The following GFOD1 variants were observed in gnomAD, a reference collection of about 807,000 sequenced individuals.
The protein encoded by GFOD1 is Gfo/Idh/MocA-like oxidoreductase domain containing 1, also known as glucose-fructose oxidoreductase domain-containing protein 1.
Under a neutral mutation model 25.4 loss-of-function variants are expected in GFOD1, and 9 were observed. The observed-to-expected ratio is 0.35, with a 90% CI of 0.21 to 0.62. The LOEUF (loss-of-function observed/expected upper bound fraction) is 0.62. Among genes scored for constraint, GFOD1 ranks in the 20% least tolerant of loss-of-function variants. The pLI is 0.72. For synonymous variants in GFOD1, 253 were observed against 245.6 expected, an observed-to-expected ratio of 1.03 and a Z score of -0.28; for missense variants, 403 against 556.9, an observed-to-expected ratio of 0.72 and a Z score of 2.78.
At chr6:13,446,517 G>C (rs986217790) in intron 1 of GFOD1, among the ~76,000 whole-genome samples, 3 of 152,180 alleles carry the variant, frequency 2.0e-5, no homozygotes, top group Non-Finnish European at 2.9e-5. Flanking sequence ...ACAGGACATG[G>C]TGAAGCCGGG....
intron 1 of GFOD1, chr6:13,486,168 G>A: frequency 3.0e-5 from 30 of 989,942 alleles, no homozygotes; most frequent in South Asian, 1.8e-4. Flanking sequence ...ACACGTGTGC[G>A]GCCTTTTATT....
chr6:13,374,266 T>TG (rs879708992), intron 1 of GFOD1, among the ~76,000 whole-genome samples: 22,195 of 134,042 alleles, frequency 0.17, 2,401 homozygotes, highest in East Asian at 0.52. Flanking sequence ...AAAAATATGT[T>TG]TTTTTTTTGT....
intron 1 of GFOD1, among the ~76,000 whole-genome samples, chr6:13,426,705 C>G (rs1390450801): frequency 6.6e-6 from 1 of 152,164 alleles, no homozygotes; most frequent in African/African-American, 2.4e-5. Context: ...CCAGGCCCAT[C>G]GCAAGGCAAC....
chr6:13,374,273 T>TTTTTGTGTG (rs1554199406), intron 1 of GFOD1, among the ~76,000 whole-genome samples: 103 of 134,400 alleles, frequency 7.7e-4, no homozygotes, highest in African/African-American at 2.2e-3. Context: ...TGTTTTTTTT[T>TTTTTGTGTG]TGTGTGTGTG....
intron 1 of GFOD1, among the ~76,000 whole-genome samples, chr6:13,458,540 T>G (rs1386737686): frequency 1.3e-5 from 2 of 152,002 alleles, no homozygotes; most frequent in Non-Finnish European, 2.9e-5. Context: ...TGACCTTGAT[T>G]TCAGTCCCAG....
At chr6:13,476,776 TAA>T (rs1758632281) in intron 1 of GFOD1, among the ~76,000 whole-genome samples, 4 of 152,198 alleles carry the variant, frequency 2.6e-5, no homozygotes, top group Admixed American at 2.6e-4. Context: ...CATTTTAATG[TAA>T]AGTTATTTTT....
At chr6:13,477,255 AGAT>A (rs1758648006) in intron 1 of GFOD1, among the ~76,000 whole-genome samples, 1 of 53,902 alleles carries the variant, frequency 1.9e-5, no homozygotes, top group East Asian at 7.5e-4. Context: ...GTGTGTGTGT[AGAT>A]GAGAGATTCG....
At chr6:13,458,143 A>G (rs2560758) in intron 1 of GFOD1, among the ~76,000 whole-genome samples, 67,423 of 151,906 alleles carry the variant, frequency 0.44, 17,427 homozygotes, top group Middle Eastern at 0.63. Flanking sequence ...TTTGAGATGG[A>G]GTCTAGCTCT....
At chr6:13,454,308 C>T (rs537691623) in intron 1 of GFOD1, among the ~76,000 whole-genome samples, 3 of 152,324 alleles carry the variant, frequency 2.0e-5, no homozygotes, top group East Asian at 1.9e-4. Context: ...TTAAGCCACC[C>T]AGCTGATGGT....
At chr6:13,436,022 C>A (rs777203106) in intron 1 of GFOD1, among the ~76,000 whole-genome samples, 1 of 152,178 alleles carries the variant, frequency 6.6e-6, no homozygotes, top group Admixed American at 6.5e-5. Context: ...ACCCAATTTG[C>A]GTTCTTGACT....
chr6:13,379,163 C>A (rs1393565725), intron 1 of GFOD1, among the ~76,000 whole-genome samples: 3 of 152,134 alleles, frequency 2.0e-5, no homozygotes, highest in Non-Finnish European at 2.9e-5. Flanking sequence ...TGACAAGTAA[C>A]CTACAGTGCA....
At chr6:13,454,518 C>T (rs896556319) in intron 1 of GFOD1, among the ~76,000 whole-genome samples, 7 of 152,190 alleles carry the variant, frequency 4.6e-5, no homozygotes, top group Admixed American at 4.6e-4. Context: ...CCAAGTCCTA[C>T]TTCCTGGCCT....
At chr6:13,431,900 G>A (rs1433265561) in intron 1 of GFOD1, among the ~76,000 whole-genome samples, 4 of 152,160 alleles carry the variant, frequency 2.6e-5, no homozygotes, top group Non-Finnish European at 4.4e-5. Context: ...TTCAGAGCCT[G>A]TGCCTCTAAC....
intron 1 of GFOD1, among the ~76,000 whole-genome samples, chr6:13,418,699 T>C (rs1248874371): frequency 1.3e-5 from 2 of 152,210 alleles, no homozygotes; most frequent in African/African-American, 4.8e-5. Context: ...ATGTTAAAGC[T>C]GGCACACATC....
At position 13,430,609 on chromosome 6, in the gene GFOD1, G is replaced by C. The variant is rs1374649499; in HGVS notation, c.253+56029C>G. Among the ~76,000 whole-genome samples the C allele has an allele frequency of 6.6e-6, 1 of 152,118 alleles. No homozygotes were observed. Among genetic ancestry groups the C allele is most frequent in the African/African-American group, 2.4e-5 (1 of 41,422 alleles). On this transcript the variant is annotated intron_variant, in intron 1 of 1. Transcript: ENST00000379287. The surrounding 1 kb of genome is among the most constrained non-coding windows in gnomAD (Gnocchi z 4.1). ...CTATTATGGGGTTCCCATAGAGACG[G>C]GCAGCTTGTGTACAATGGGGAAGAC... is the stretch of plus-strand genomic sequence containing the variant.
At chr6:13,373,673 C>T (rs564537396) in intron 1 of GFOD1, among the ~76,000 whole-genome samples, 1 of 151,874 alleles carries the variant, frequency 6.6e-6, no homozygotes, top group Non-Finnish European at 1.5e-5. Flanking sequence ...CTTACTGCAA[C>T]ACTCCATTTA....
intron 1 of GFOD1, among the ~76,000 whole-genome samples, chr6:13,395,029 G>A (rs902092096): frequency 9.2e-5 from 14 of 152,026 alleles, no homozygotes; most frequent in African/African-American, 2.9e-4. Context: ...GGAATCCCCC[G>A]ACTTTAGCCT....
chr6:13,368,055 T>TGTA (rs1785081113), intron 1 of GFOD1, among the ~76,000 whole-genome samples: 1 of 152,240 alleles, frequency 6.6e-6, no homozygotes. Context: ...GATGGGGTTT[T>TGTA]GTAGAAGTCG....
intron 1 of GFOD1, among the ~76,000 whole-genome samples, chr6:13,369,073 C>A (rs1041569675): frequency 6.6e-6 from 1 of 152,196 alleles, no homozygotes; most frequent in African/African-American, 2.4e-5. Context: ...TGATATGGCT[C>A]CACATTATAC....
Sources: allele counts gnomAD v4.1 joint callset (sites outside exome capture counted in the v4.1 genomes callset), GRCh38; gene constraint gnomAD v4.1.1; non-coding constraint Gnocchi (gnomAD v3.1); transcripts MANE v1.5; gene names NCBI Gene and HGNC (gene_info 2026-07-23, HGNC 2026-07-21).